ZFAND5: variants seen among roughly 807,000 people sequenced by gnomAD.
The protein encoded by ZFAND5 is zinc finger AN1-type containing 5.
In ZFAND5, 4 loss-of-function variants were observed where a neutral mutation model predicts 23.6. That is an observed-to-expected ratio of 0.17 (90% CI 0.08 to 0.39). The LOEUF (loss-of-function observed/expected upper bound fraction) is 0.39. Among genes scored for constraint, ZFAND5 ranks in the 10% least tolerant of loss-of-function variants. The pLI, the probability that ZFAND5 is intolerant of heterozygous loss-of-function variation, is 1.00. For missense variants in ZFAND5, 161 were observed against 253.7 expected (o/e 0.63, Z 2.48); for synonymous variants, 68 against 80.6 (o/e 0.84, Z 0.84).
intron 5 of ZFAND5, among the ~76,000 whole-genome samples, chr9:72,358,148 G>A (rs1045482283): frequency 6.6e-6 from 1 of 152,042 alleles, no homozygotes; most frequent in Non-Finnish European, 1.5e-5. Context: ...CTAAAACTCT[G>A]CCCAAATTTA....
chr9:72,355,345 A>G lies in ZFAND5; in HGVS notation c.*608T>C, dbSNP rs1315898717. 2 of 152,656 alleles carry G rather than the reference A, an allele frequency of 1.3e-5. No individual in the cohort carries two copies. Among genetic ancestry groups the G allele is most frequent in the Non-Finnish European group, 2.9e-5 (2 of 68,074 alleles). 9.5% of individuals were successfully genotyped at this position (152,656 alleles called of 1,614,324 possible). A position where few individuals can be genotyped will look rare whatever the true frequency, so the allele number is the denominator to read the frequency against. ...ATGGTTTTACTTATAACCAGTTTCG[A>G]TGTTTACCTTTCACAGAATGTCTTA... On this transcript the variant is annotated 3_prime_UTR_variant, in exon 7 of 7. Coordinates refer to ENST00000376962, the MANE Select transcript of ZFAND5 (RefSeq NM_001102420.3).
rs1176712270 is a variant in ZFAND5, at chr9:72,351,567, T to C, written c.*4386A>G. On this transcript the variant is annotated 3_prime_UTR_variant, in exon 7 of 7. Coordinates refer to ENST00000376962, the MANE Select transcript of ZFAND5 (RefSeq NM_001102420.3). The stretch of plus-strand genomic sequence containing the variant: ...ATAGAAATAGCTATAAAATATTAAA[T>C]GGCACTTTTGTATTCTGTTGTACTT... The C allele has an allele frequency of 2.7e-5, 4 of 148,778 alleles. No individual in the cohort carries two copies. In the East Asian group the frequency reaches 8.0e-4, roughly 30 times the overall value. 9.2% of individuals were successfully genotyped at this position (148,778 alleles called of 1,614,324 possible). A position where few individuals can be genotyped will look rare whatever the true frequency, so the allele number is the denominator to read the frequency against.
rs931785857 is a variant in ZFAND5, at chr9:72,364,685, G to A, written c.-147+11C>T. The A allele has an allele frequency of 7.7e-6, 8 of 1,039,850 alleles. No individual in the cohort carries two copies. Among genetic ancestry groups the A allele is most frequent in the Middle Eastern group, 4.3e-4 (1 of 2,304 alleles). 64.4% of individuals were successfully genotyped at this position (1,039,850 alleles called of 1,614,324 possible). ...GAGCCCGGCTCCCACCCGCAGCCCCGTATCACTCACCCTGCAGGGTCCCAA... is the reference window on the plus strand; with the variant it reads ...GAGCCCGGCTCCCACCCGCAGCCCCATATCACTCACCCTGCAGGGTCCCAA... On this transcript the variant is annotated intron_variant, in intron 1 of 6. Coordinates refer to ENST00000376962, the MANE Select transcript of ZFAND5 (RefSeq NM_001102420.3).
chr9:72,361,707 T>TA (rs558862190), intron 2 of ZFAND5, among the ~76,000 whole-genome samples: 28 of 152,260 alleles, frequency 1.8e-4, no homozygotes, highest in Admixed American at 3.3e-4. Context: ...TTTGCTTTTC[T>TA]AAAAGTCTTG....
chr9:72,364,367 T>G, intron 1 of ZFAND5: 1 of 1,152,848 alleles, frequency 8.7e-7, no homozygotes, highest in Non-Finnish European at 1.1e-6. Context: ...TCTTTGTTTC[T>G]CTGGGTCGTG....
Position 72,353,672 on chromosome 9 carries a change from GCTA to G in ZFAND5, c.*2278_*2280del. The G allele has an allele frequency of 6.7e-6, 1 of 149,176 alleles. No homozygotes were observed. The highest frequency in any genetic ancestry group is 2.0e-4 in the East Asian group (1 of 5,062). 9.2% of individuals were successfully genotyped at this position (149,176 alleles called of 1,614,324 possible). ...CTGGCCAAACAAAAATCTATCTCTTGCTACTACTCAGACCTTCAGAGTGATGGA... is the reference window on the plus strand; with the variant it reads ...CTGGCCAAACAAAAATCTATCTCTTGCTACTCAGACCTTCAGAGTGATGGA... On this transcript the variant is annotated 3_prime_UTR_variant, in exon 7 of 7. Transcript: ENST00000376962.
chr9:72,355,053 ATTCT>A lies in ZFAND5; in HGVS notation c.*896_*899del, dbSNP rs1055152969. ...TGAAGTCTTTTAAAAAGCTTTAAAC[ATTCT>A]TTCTTGAACCAAAACATTCGACAAA... On this transcript the variant is annotated 3_prime_UTR_variant, in exon 7 of 7. Transcript: ENST00000376962. 7 of 152,638 alleles carry A rather than the reference ATTCT, an allele frequency of 4.6e-5. No homozygotes were observed. Among genetic ancestry groups the A allele is most frequent in the African/African-American group, 1.7e-4 (7 of 41,440 alleles). The allele number at this position is 152,638 out of a possible 1,614,324, so 9.5% of individuals were successfully genotyped here.
In ZFAND5 at chr9:72,356,252, A is replaced by C. The variant is rs962552931; in HGVS notation, c.494-151T>G. On this transcript the variant is annotated intron_variant, in intron 6 of 6. Transcript: ENST00000376962. ...TTCTTCCACTTCCTGGTGATAAGAC[A>C]CAGTCAACTCTTACAGAGTCTATCA... is the stretch of plus-strand genomic sequence containing the variant. The C allele has an allele frequency of 3.2e-5, 31 of 956,254 alleles. No individual in the cohort carries two copies. The South Asian group carries it at 5.6e-4, about 17-fold the overall frequency. The allele number at this position is 956,254 out of a possible 1,614,324, so 59.2% of individuals were successfully genotyped here.
At chr9:72,360,301 T>C in intron 3 of ZFAND5, 80 bp from the exon 4 acceptor site, 1 of 1,201,072 alleles carries the variant, frequency 8.3e-7, no homozygotes, top group African/African-American at 1.5e-5. Context: ...AATAAATACT[T>C]GCATTTAATT....
intron 2 of ZFAND5, among the ~76,000 whole-genome samples, chr9:72,362,904 T>C (rs1052607417): frequency 6.6e-6 from 1 of 152,162 alleles, no homozygotes; most frequent in African/African-American, 2.4e-5. Context: ...GCCTCTGAAA[T>C]CAGCTTCTAT....
chr9:72,364,423 G>C (rs1467272704), intron 1 of ZFAND5: 2 of 1,257,602 alleles, frequency 1.6e-6, no homozygotes, highest in South Asian at 1.3e-5. Flanking sequence ...CCTAGAGGCC[G>C]GCCCCGCAGA....
At chr9:72,356,605 G>C (rs767018037) in intron 6 of ZFAND5, among the ~76,000 whole-genome samples, 30 of 152,274 alleles carry the variant, frequency 2.0e-4, no homozygotes, top group Non-Finnish European at 3.4e-4. Flanking sequence ...AAGAAAAAAA[G>C]CACCAAGAAC....
chr9:72,355,831 G>T lies in ZFAND5; in HGVS notation c.*122C>A. 1 of 902,346 alleles carries T rather than the reference G, an allele frequency of 1.1e-6. No homozygotes were observed. The highest frequency in any genetic ancestry group is 1.6e-6 in the Non-Finnish European group (1 of 609,510). The allele number at this position is 902,346 out of a possible 1,614,324, so 55.9% of individuals were successfully genotyped here. A position where few individuals can be genotyped will look rare whatever the true frequency, so the allele number is the denominator to read the frequency against. On this transcript the variant is annotated 3_prime_UTR_variant, in exon 7 of 7. Coordinates refer to ENST00000376962, the MANE Select transcript of ZFAND5 (RefSeq NM_001102420.3). ...ATCCTAAAATATCAATTATAAGACA[G>T]ACAAGTGTAATGTAAAACTCTGGAG... is the stretch of plus-strand genomic sequence containing the variant.
chr9:72,356,170 C>G, intron 6 of ZFAND5, 69 bp from the exon 7 acceptor site: 1 of 1,553,610 alleles, frequency 6.4e-7, no homozygotes, highest in Non-Finnish European at 8.6e-7. Flanking sequence ...GCCTTAGTCA[C>G]TATAGAAAAG....
In ZFAND5 at chr9:72,354,471, A is replaced by G. The variant is rs971309589; in HGVS notation, c.*1482T>C. The G allele has an allele frequency of 2.0e-5, 3 of 152,672 alleles. No individual in the cohort carries two copies. Among genetic ancestry groups the G allele is most frequent in the African/African-American group, 4.8e-5 (2 of 41,468 alleles). The allele number at this position is 152,672 out of a possible 1,614,324, so 9.5% of individuals were successfully genotyped here. On this transcript the variant is annotated 3_prime_UTR_variant, in exon 7 of 7. Transcript: ENST00000376962. ...GAACAAGTGAAGTTTCCCTCTGTAC[A>G]TGGCTTTTATTATTTACATAATACA...
chr9:72,355,638 ATGCAGAGATTTCATT>A lies in ZFAND5; in HGVS notation c.*300_*314del. 5.3e-6 allele frequency: 1 copy of A among 188,428 alleles called. No homozygotes were observed. The highest frequency in any genetic ancestry group is 1.1e-5 in the Non-Finnish European group (1 of 91,336). 11.7% of individuals were successfully genotyped at this position (188,428 alleles called of 1,614,324 possible). The stretch of plus-strand genomic sequence containing the variant: ...CCCAAAAGGCAGATATGCTGCAAAC[ATGCAGAGATTTCATT>A]TATTTTGTTTGGCACATGGGAACTA... On this transcript the variant is annotated 3_prime_UTR_variant, in exon 7 of 7. Transcript: ENST00000376962.
Position 72,357,134 on chromosome 9 carries a change from G to A in ZFAND5, c.368-78C>T. On this transcript the variant is annotated intron_variant, in intron 5 of 6. Coordinates refer to ENST00000376962, the MANE Select transcript of ZFAND5 (RefSeq NM_001102420.3). The stretch of plus-strand genomic sequence containing the variant: ...AAGTCAAAAAAGGAAGTATTTAAGA[G>A]AAACAGGAAGATGCCTGATAAAAAT... 3.3e-6 allele frequency: 5 copies of A among 1,524,324 alleles called. No individual in the cohort carries two copies. In the South Asian group the frequency reaches 3.7e-5, roughly 11 times the overall value. 94.4% of individuals were successfully genotyped at this position (1,524,324 alleles called of 1,614,324 possible). A position where few individuals can be genotyped will look rare whatever the true frequency, so the allele number is the denominator to read the frequency against.
chr9:72,358,391 A>C (rs1428455256), intron 5 of ZFAND5, among the ~76,000 whole-genome samples: 1 of 152,102 alleles, frequency 6.6e-6, no homozygotes, highest in Non-Finnish European at 1.5e-5. Context: ...AGAAGGGGGA[A>C]TAAGAAAATG....
At chr9:72,360,269 T>C in intron 3 of ZFAND5, 48 bp from the exon 4 acceptor site, 1 of 1,450,978 alleles carries the variant, frequency 6.9e-7, no homozygotes, top group Non-Finnish European at 9.6e-7. Flanking sequence ...CTACAAAAAC[T>C]CACTTAGTAT....
Sources: gnomAD v4.1 joint callset for allele counts (sites outside exome capture counted in the v4.1 genomes callset) on GRCh38, gnomAD v4.1.1 for gene constraint, MANE v1.5 for transcripts, NCBI Gene and HGNC (gene_info 2026-07-23, HGNC 2026-07-21) for gene names.